The following RXFP1 variants were observed in gnomAD, a reference collection of about 807,000 sequenced individuals.
The protein encoded by RXFP1 is relaxin receptor 1.
In RXFP1, 73 loss-of-function variants were observed where a neutral mutation model predicts 89.8. That is an observed-to-expected ratio of 0.81 (90% CI 0.67 to 0.99). RXFP1 has a LOEUF of 0.99. RXFP1 is among the 50% of genes least tolerant of loss of function. The pLI is 0.00. For synonymous variants in RXFP1, 277 were observed against 305.5 expected (o/e 0.91, Z 0.97); for missense variants, 793 against 895.5 (o/e 0.89, Z 1.46).
intron 9 of RXFP1, among the ~76,000 whole-genome samples, chr4:158,618,835 C>G (rs1254480479): frequency 6.6e-6 from 1 of 151,238 alleles, no homozygotes; most frequent in Non-Finnish European, 1.5e-5. Context: ...GTAAATGCCA[C>G]AATAAAAGTT....
intron 2 of RXFP1, among the ~76,000 whole-genome samples, chr4:158,578,767 T>C (rs1756752715): frequency 6.6e-6 from 1 of 152,012 alleles, no homozygotes; most frequent in African/African-American, 2.4e-5. Flanking sequence ...TACTGTACTC[T>C]TGTTCTTTAG....
chr4:158,647,364 G>A (rs1478978344), intron 16 of RXFP1, among the ~76,000 whole-genome samples, 163 bp downstream of exon 16: 1 of 152,116 alleles, frequency 6.6e-6, no homozygotes, highest in Non-Finnish European at 1.5e-5. Flanking sequence ...CTTAATAAAA[G>A]ACACTAAACA....
In RXFP1 at chr4:158,539,655, T is replaced by C. The variant is rs550537738; in HGVS notation, c.49+17630T>C. 2.6e-5 allele frequency among the ~76,000 whole-genome samples: 4 copies of C among 152,318 alleles called. No individual in the cohort carries two copies. In the South Asian group the frequency reaches 8.3e-4, roughly 32 times the overall value. ...TCTTAGCATCAAATTAGACCACATGTGCTGCTTAGCATTTCAGATAGTGTT... is the reference window on the plus strand; with the variant it reads ...TCTTAGCATCAAATTAGACCACATGCGCTGCTTAGCATTTCAGATAGTGTT... On this transcript the variant is annotated intron_variant, in intron 1 of 17. Coordinates refer to ENST00000307765, the MANE Select transcript of RXFP1 (RefSeq NM_021634.4).
intron 2 of RXFP1, 34 bp downstream of exon 2, chr4:158,572,869 A>T (rs1171146304): frequency 6.2e-7 from 1 of 1,606,864 alleles, no homozygotes; most frequent in Non-Finnish European, 8.5e-7. Context: ...GGTGAGAGAA[A>T]GGAGCAGAAA....
chr4:158,628,615 T>G, intron 10 of RXFP1, 23 bp from the exon 11 acceptor site: 1 of 1,196,244 alleles, frequency 8.4e-7, no homozygotes, highest in Non-Finnish European at 1.2e-6. Flanking sequence ...GAAGTTACAA[T>G]GTATTTTTCT....
At chr4:158,624,050 T>G (rs1766212170) in intron 9 of RXFP1, among the ~76,000 whole-genome samples, 1 of 152,158 alleles carries the variant, frequency 6.6e-6, no homozygotes. Flanking sequence ...GTCTCTGTTA[T>G]ATGTACGTGC....
intron 11 of RXFP1, among the ~76,000 whole-genome samples, chr4:158,629,133 C>T (rs938400163): frequency 1.3e-5 from 2 of 151,890 alleles, no homozygotes; most frequent in African/African-American, 2.4e-5. Flanking sequence ...TCACTGCAAC[C>T]TCCGCCTCCC....
intron 11 of RXFP1, among the ~76,000 whole-genome samples, chr4:158,631,627 G>A (rs1481964976): frequency 2.6e-5 from 4 of 152,184 alleles, no homozygotes; most frequent in Non-Finnish European, 5.9e-5. Flanking sequence ...ACAGAGGAAT[G>A]ACGTTTGAAT....
At chr4:158,624,213 TC>T (rs1312507054) in intron 9 of RXFP1, among the ~76,000 whole-genome samples, 1 of 152,152 alleles carries the variant, frequency 6.6e-6, no homozygotes. Flanking sequence ...GGTCATCTCT[TC>T]CTCTGAGACT....
chr4:158,600,723 A>G (rs1292159320), intron 4 of RXFP1, among the ~76,000 whole-genome samples: 1 of 152,016 alleles, frequency 6.6e-6, no homozygotes, highest in East Asian at 1.9e-4. Context: ...AGCTACTTGG[A>G]GGCTGAGGCA....
chr4:158,572,565 C>T, intron 1 of RXFP1, 133 bp from the exon 2 acceptor site: 1 of 769,238 alleles, frequency 1.3e-6, no homozygotes, highest in Admixed American at 2.2e-5. Flanking sequence ...TAGAAAATAA[C>T]TGGCATCAGG....
intron 1 of RXFP1, among the ~76,000 whole-genome samples, chr4:158,572,488 A>G (rs930295119): frequency 6.6e-6 from 1 of 152,234 alleles, no homozygotes; most frequent in Non-Finnish European, 1.5e-5. Context: ...GCATGAACAA[A>G]GGCAAAGAGG....
At chr4:158,638,110 G>C in intron 13 of RXFP1, 31 bp downstream of exon 13, 1 of 1,314,028 alleles carries the variant, frequency 7.6e-7, no homozygotes, top group Non-Finnish European at 1.1e-6. Flanking sequence ...ATAGTTTTAT[G>C]ATAAAATTGT....
intron 5 of RXFP1, among the ~76,000 whole-genome samples, chr4:158,606,487 A>G (rs1166646374): frequency 1.3e-5 from 2 of 152,204 alleles, no homozygotes; most frequent in Non-Finnish European, 2.9e-5. Context: ...TTAGTAGATC[A>G]TTATAACACT....
chr4:158,526,810 T>A (rs1742610182), intron 1 of RXFP1, among the ~76,000 whole-genome samples: 1 of 152,202 alleles, frequency 6.6e-6, no homozygotes, highest in South Asian at 2.1e-4. Flanking sequence ...TGAGAGTTAA[T>A]CTTTGGGAAC....
intron 1 of RXFP1, chr4:158,543,919 T>G (rs2149843078): frequency 1.0e-6 from 1 of 985,422 alleles, no homozygotes; most frequent in Non-Finnish European, 1.2e-6. Flanking sequence ...CTCTACTGAA[T>G]ATCGATATAG....
intron 5 of RXFP1, among the ~76,000 whole-genome samples, chr4:158,605,366 GAAC>G (rs1350220946): frequency 5.9e-5 from 9 of 152,104 alleles, no homozygotes; most frequent in Non-Finnish European, 1.3e-4. Flanking sequence ...AAAGGAACTG[GAAC>G]ATGTGTGCTG....
intron 10 of RXFP1, among the ~76,000 whole-genome samples, chr4:158,627,540 T>C (rs1344795255): frequency 1.3e-5 from 2 of 150,188 alleles, no homozygotes; most frequent in African/African-American, 5.0e-5. Flanking sequence ...TGTGTGTGTG[T>C]GTGTGTGTGT....
chr4:158,541,180 C>A (rs1032821267), intron 1 of RXFP1, among the ~76,000 whole-genome samples: 3 of 152,142 alleles, frequency 2.0e-5, no homozygotes, highest in African/African-American at 7.2e-5. Flanking sequence ...GTCAAACTCT[C>A]AAAGTCTCTA....
Sources: allele counts gnomAD v4.1 joint callset (sites outside exome capture counted in the v4.1 genomes callset), GRCh38; gene constraint gnomAD v4.1.1; transcripts MANE v1.5; gene names NCBI Gene and HGNC (gene_info 2026-07-23, HGNC 2026-07-21).